Variants in FRMD4B observed in about 807,000 individuals in gnomAD.
FRMD4B encodes the protein FERM domain-containing protein 4B.
FRMD4B carries 74 observed loss-of-function variants against 141.5 expected under a neutral mutation model. The ratio of observed to expected loss-of-function variants is 0.52; its 90% CI spans 0.43 to 0.63. The LOEUF (loss-of-function observed/expected upper bound fraction) is 0.63, where lower values mean the gene tolerates loss of function less well. Among genes scored for constraint, FRMD4B ranks in the 30% least tolerant of loss-of-function variants. FRMD4B has a pLI of 0.00. For missense variants in FRMD4B, 1,366 were observed against 1,253.4 expected (o/e 1.09, Z -1.36); for synonymous variants, 506 against 467.9 (o/e 1.08, Z -1.05).
chr3:69,509,737 C>G (rs536951353), intron 1 of FRMD4B, among the ~76,000 whole-genome samples: 54 of 152,062 alleles, frequency 3.6e-4, no homozygotes, highest in African/African-American at 1.3e-3. Flanking sequence ...TTTTTACAAA[C>G]TGAAGGTTTA....
intron 1 of FRMD4B, among the ~76,000 whole-genome samples, chr3:69,382,723 G>T: frequency 8.5e-6 from 1 of 118,072 alleles, no homozygotes; most frequent in African/African-American, 3.1e-5. Context: ...CATGTAAACT[G>T]GGACTTTTTT....
At chr3:69,331,430 C>T (rs1026321736) in intron 1 of FRMD4B, among the ~76,000 whole-genome samples, 4 of 152,150 alleles carry the variant, frequency 2.6e-5, no homozygotes, top group Admixed American at 6.5e-5. Flanking sequence ...TGACTTTAGG[C>T]AAGTCATGTA....
chr3:69,275,779 T>C (rs1327937108), intron 5 of FRMD4B, among the ~76,000 whole-genome samples: 1 of 152,152 alleles, frequency 6.6e-6, no homozygotes, highest in Non-Finnish European at 1.5e-5. Flanking sequence ...TTAATGAATA[T>C]ACTGATTTTT....
intron 1 of FRMD4B, among the ~76,000 whole-genome samples, chr3:69,469,270 G>GT (rs1325777079): frequency 6.6e-6 from 1 of 152,178 alleles, no homozygotes; most frequent in Non-Finnish European, 1.5e-5. Flanking sequence ...TCAGAATGCA[G>GT]TATAGGAAGT....
At chr3:69,285,784 C>T (rs532839750) in intron 5 of FRMD4B, among the ~76,000 whole-genome samples, 113 of 151,670 alleles carry the variant, frequency 7.5e-4, no homozygotes, top group Non-Finnish European at 1.1e-3. Flanking sequence ...GCAGAAGTTG[C>T]GGTGATCTGA....
intron 1 of FRMD4B, among the ~76,000 whole-genome samples, chr3:69,315,103 T>C (rs1301631171): frequency 6.6e-6 from 1 of 152,212 alleles, no homozygotes; most frequent in African/African-American, 2.4e-5. Flanking sequence ...ACCAACATAG[T>C]TTACTATCAC....
intron 2 of FRMD4B, among the ~76,000 whole-genome samples, chr3:69,422,396 A>G (rs1273567239): frequency 1.3e-5 from 2 of 151,564 alleles, no homozygotes; most frequent in African/African-American, 2.4e-5. Context: ...AAAAAAAAAA[A>G]AGAAGAGAAA....
intron 7 of FRMD4B, among the ~76,000 whole-genome samples, chr3:69,242,630 T>C (rs1252764861): frequency 1.3e-5 from 2 of 150,654 alleles, no homozygotes; most frequent in Admixed American, 6.7e-5. Flanking sequence ...CACTCACTTT[T>C]TCTTACAAGT....
At chr3:69,311,231 G>A in intron 3 of FRMD4B, 32 bp downstream of exon 3, 2 of 1,043,528 alleles carry the variant, frequency 1.9e-6, no homozygotes, top group Non-Finnish European at 2.9e-6. Flanking sequence ...CCAGGCAAAA[G>A]GTAAAGAAAC....
chr3:69,337,545 G>A (rs937263107), intron 1 of FRMD4B, among the ~76,000 whole-genome samples: 4 of 152,104 alleles, frequency 2.6e-5, no homozygotes, highest in Non-Finnish European at 4.4e-5. Flanking sequence ...GAAAATTTTT[G>A]CATCCTACTC....
chr3:69,539,449 G>A (rs1701133563), intron 1 of FRMD4B, among the ~76,000 whole-genome samples: 1 of 152,158 alleles, frequency 6.6e-6, no homozygotes, highest in Admixed American at 6.5e-5. Context: ...GCAACCATCT[G>A]CCTGTTTGAA....
At chr3:69,361,542 T>C (rs1016376728) in intron 1 of FRMD4B, among the ~76,000 whole-genome samples, 3 of 152,236 alleles carry the variant, frequency 2.0e-5, no homozygotes, top group African/African-American at 7.2e-5. Context: ...TTCAGATTTC[T>C]ATCACAATAG....
At chr3:69,229,320 C>G in intron 7 of FRMD4B, among the ~76,000 whole-genome samples, 1 of 152,088 alleles carries the variant, frequency 6.6e-6, no homozygotes, top group East Asian at 1.9e-4. Context: ...GCCACCATGG[C>G]CAGCCCCCCA....
chr3:69,301,955 C>T (rs1224598718), intron 4 of FRMD4B, among the ~76,000 whole-genome samples: 1 of 152,154 alleles, frequency 6.6e-6, no homozygotes, highest in African/African-American at 2.4e-5. Context: ...AACATTATTG[C>T]CACGTAAAAT....
At chr3:69,498,534 G>C (rs549033390) in intron 1 of FRMD4B, among the ~76,000 whole-genome samples, 1 of 152,280 alleles carries the variant, frequency 6.6e-6, no homozygotes, top group East Asian at 1.9e-4. Context: ...ATTGAGCTTA[G>C]AAGTATTTTC....
chr3:69,346,881 C>T (rs1231807923), intron 1 of FRMD4B, among the ~76,000 whole-genome samples: 1 of 152,134 alleles, frequency 6.6e-6, no homozygotes, highest in Non-Finnish European at 1.5e-5. Flanking sequence ...AAAATCAAGC[C>T]AAATTGTAAA....
intron 1 of FRMD4B, among the ~76,000 whole-genome samples, chr3:69,365,689 G>T (rs1045374963): frequency 6.6e-6 from 1 of 151,854 alleles, no homozygotes; most frequent in African/African-American, 2.4e-5. Flanking sequence ...TTACAGACGG[G>T]GCTTCACCAT....
chr3:69,478,703 G>C (rs368670183), intron 1 of FRMD4B, among the ~76,000 whole-genome samples: 1 of 152,066 alleles, frequency 6.6e-6, no homozygotes, highest in African/African-American at 2.4e-5. Context: ...TGGAGAGTTC[G>C]GTAGATGTCT....
chr3:69,455,983 T>G (rs1344876438), intron 1 of FRMD4B, among the ~76,000 whole-genome samples: 2 of 152,200 alleles, frequency 1.3e-5, no homozygotes, highest in Admixed American at 1.3e-4. Context: ...AGTTCCATTT[T>G]GCTTTGAGGC....
Sources: gnomAD v4.1 joint callset for allele counts (sites outside exome capture counted in the v4.1 genomes callset) on GRCh38, gnomAD v4.1.1 for gene constraint, MANE v1.5 for transcripts, NCBI Gene and HGNC (gene_info 2026-07-23, HGNC 2026-07-21) for gene names.